POC5: variants seen among roughly 807,000 people sequenced by gnomAD.
POC5 encodes the protein POC5 centriolar protein.
In POC5, 48 loss-of-function variants were observed where a neutral mutation model predicts 62.9. The ratio of observed to expected loss-of-function variants is 0.76; its 90% CI spans 0.61 to 0.97. The LOEUF (loss-of-function observed/expected upper bound fraction) is 0.97. POC5 is among the 50% of genes least tolerant of loss of function. The pLI, the probability that POC5 is intolerant of heterozygous loss-of-function variation, is 0.00. For missense variants in POC5, 696 were observed against 679.5 expected (o/e 1.02, Z -0.27); for synonymous variants, 236 against 228.2 (o/e 1.03, Z -0.31).
intron 5 of POC5, among the ~76,000 whole-genome samples, chr5:75,702,335 A>G (rs1052101408): frequency 6.6e-6 from 1 of 152,158 alleles, no homozygotes; most frequent in African/African-American, 2.4e-5. Flanking sequence ...AAAATCAAAC[A>G]AACAAACAAG....
chr5:75,712,961 T>C lies in POC5; in HGVS notation c.-14-10A>G. ...ATTCTGCACAAATGCTCTAAAACAG[T>C]AGAAGCTAACTTTAGCTTTTTTCCT... is the stretch of plus-strand genomic sequence containing the variant. On this transcript the variant is annotated splice_polypyrimidine_tract_variant and intron_variant, in intron 1 of 11. Coordinates refer to ENST00000428202, the MANE Select transcript of POC5 (RefSeq NM_001099271.2). 1.9e-6 allele frequency: 3 copies of C among 1,575,546 alleles called. No homozygotes were observed. The highest frequency in any genetic ancestry group is 2.6e-6 in the Non-Finnish European group (3 of 1,155,838).
At chr5:75,714,823 T>C (rs1210535668) in intron 1 of POC5, among the ~76,000 whole-genome samples, 1 of 152,062 alleles carries the variant, frequency 6.6e-6, no homozygotes, top group Non-Finnish European at 1.5e-5. Context: ...GGCTACACTG[T>C]GAATGGTGTT....
At chr5:75,706,207 AC>A (rs1777113864) in intron 3 of POC5, among the ~76,000 whole-genome samples, 1 of 152,200 alleles carries the variant, frequency 6.6e-6, no homozygotes, top group African/African-American at 2.4e-5. Flanking sequence ...CACTTCAGGA[AC>A]CTGTAGTCAA....
chr5:75,688,535 C>T (rs2112110214), intron 9 of POC5, among the ~76,000 whole-genome samples: 1 of 152,164 alleles, frequency 6.6e-6, no homozygotes, highest in Non-Finnish European at 1.5e-5. Flanking sequence ...ATAGATAGGT[C>T]TATATTTATG....
chr5:75,678,681 TTG>T (rs1366958300), intron 10 of POC5, among the ~76,000 whole-genome samples: 1 of 152,186 alleles, frequency 6.6e-6, no homozygotes, highest in Non-Finnish European at 1.5e-5. Context: ...ACATACTACT[TTG>T]TCTTTCTTTT....
At chr5:75,713,766 A>G (rs1033979083) in intron 1 of POC5, among the ~76,000 whole-genome samples, 3 of 152,226 alleles carry the variant, frequency 2.0e-5, no homozygotes, top group Non-Finnish European at 2.9e-5. Flanking sequence ...GATCTGAAAG[A>G]TGAGTAGGTC....
chr5:75,698,918 C>T (rs1776733837), intron 5 of POC5, among the ~76,000 whole-genome samples: 1 of 152,088 alleles, frequency 6.6e-6, no homozygotes, highest in African/African-American at 2.4e-5. Flanking sequence ...TACAAAGTAC[C>T]ATCAGAGAAT....
chr5:75,713,855 G>GC (rs1777445122), intron 1 of POC5, among the ~76,000 whole-genome samples: 1 of 152,136 alleles, frequency 6.6e-6, no homozygotes, highest in Non-Finnish European at 1.5e-5. Flanking sequence ...CAAAGACAGA[G>GC]CCATGGACAT....
intron 1 of POC5, among the ~76,000 whole-genome samples, chr5:75,713,880 G>T (rs1437092136): frequency 1.3e-5 from 2 of 152,184 alleles, no homozygotes; most frequent in Non-Finnish European, 2.9e-5. Context: ...GCCACGAACA[G>T]CAAGCAGTTT....
chr5:75,698,887 T>C (rs1336334170), intron 5 of POC5, among the ~76,000 whole-genome samples: 7 of 152,054 alleles, frequency 4.6e-5, no homozygotes, highest in Non-Finnish European at 1.0e-4. Flanking sequence ...AAAGGGGATA[T>C]CACCACCAAT....
At chr5:75,692,324 A>G in intron 7 of POC5, 72 bp downstream of exon 7, 1 of 1,015,060 alleles carries the variant, frequency 9.9e-7, no homozygotes. Flanking sequence ...AAACAACTAT[A>G]ATAAGTGATC....
intron 2 of POC5, chr5:75,709,646 T>C (rs1278832801): frequency 6.6e-6 from 1 of 152,184 alleles, no homozygotes; most frequent in Admixed American, 6.5e-5. Context: ...ATTATTTAAA[T>C]AGATTTAAAT....
At chr5:75,679,168 G>A (rs547454998) in intron 10 of POC5, among the ~76,000 whole-genome samples, 21 of 152,020 alleles carry the variant, frequency 1.4e-4, no homozygotes, top group African/African-American at 4.8e-4. Flanking sequence ...TTTAAGTTGT[G>A]GTTAATCCTG....
At chr5:75,700,242 A>C (rs1327301821) in intron 5 of POC5, among the ~76,000 whole-genome samples, 15 of 152,030 alleles carry the variant, frequency 9.9e-5, no homozygotes, top group Middle Eastern at 3.4e-3. Context: ...TGGAACCAAA[A>C]AAGAGCCCGC....
intron 2 of POC5, chr5:75,712,408 T>A: frequency 6.2e-7 from 1 of 1,612,948 alleles, no homozygotes; most frequent in Non-Finnish European, 8.5e-7. Context: ...GTCCAGGTCC[T>A]GGGCAGCAGA....
intron 10 of POC5, among the ~76,000 whole-genome samples, chr5:75,679,915 T>C (rs1043445329): frequency 2.0e-5 from 3 of 151,758 alleles, no homozygotes; most frequent in Non-Finnish European, 4.4e-5. Flanking sequence ...GCTAACAGAG[T>C]TAGGGAGAGG....
chr5:75,714,462 T>C (rs1344948562), intron 1 of POC5, among the ~76,000 whole-genome samples: 1 of 152,056 alleles, frequency 6.6e-6, no homozygotes, highest in Non-Finnish European at 1.5e-5. Flanking sequence ...ATTAAGAAGA[T>C]AAATGATGAC....
rs573296853 is a variant in POC5 at position 75,697,023 on chromosome 5, C to A, written c.514-2192G>T. ...TTAGAGAAAAAAGAATAAAAAGAAACGAGCAAAGCCTCCAAGAAATATGGG... is the reference window on the plus strand; with the variant it reads ...TTAGAGAAAAAAGAATAAAAAGAAAAGAGCAAAGCCTCCAAGAAATATGGG... On this transcript the variant is annotated intron_variant, in intron 5 of 11. Transcript: ENST00000428202. Among the ~76,000 whole-genome samples the A allele has an allele frequency of 2.6e-5, 4 of 152,006 alleles. No individual in the cohort carries two copies. The South Asian group carries it at 8.3e-4, about 32-fold the overall frequency.
chr5:75,683,678 G>A (rs72768383), intron 10 of POC5, among the ~76,000 whole-genome samples: 1,806 of 150,492 alleles, frequency 0.012, 14 homozygotes, highest in Non-Finnish European at 0.02. Flanking sequence ...TTAGAGCCAC[G>A]ATGTGCTTCA....
Sources: allele counts gnomAD v4.1 joint callset (sites outside exome capture counted in the v4.1 genomes callset), GRCh38; gene constraint gnomAD v4.1.1; transcripts MANE v1.5; gene names NCBI Gene and HGNC (gene_info 2026-07-23, HGNC 2026-07-21).